BICDL1: variants seen among roughly 807,000 people sequenced by gnomAD.
BICDL1 encodes the protein BICD family like cargo adaptor 1.
In BICDL1, 20 loss-of-function variants were observed where a neutral mutation model predicts 76.8. That is an observed-to-expected ratio of 0.26 (90% CI 0.18 to 0.38). The LOEUF (loss-of-function observed/expected upper bound fraction) is 0.38, where lower values mean the gene tolerates loss of function less well. Ranked by LOEUF, BICDL1 falls within the 10% of genes least tolerant of loss-of-function variation. BICDL1 has a pLI of 1.00. For synonymous variants in BICDL1, 383 were observed against 337.1 expected (o/e 1.14, Z -1.49); for missense variants, 700 against 798.6 (o/e 0.88, Z 1.49).
chr12:120,079,105 C>G lies in BICDL1; in HGVS notation c.1453-1782C>G, dbSNP rs149378718. ...GCCCTCCTCACCCAGCTGTCCCTAC[C>G]GGAAAAGCTGCTGCTTTGGGCTGTT... On this transcript the variant is annotated intron_variant, in intron 7 of 9. Transcript: ENST00000548673. This position sits in a 1 kb window ranked among gnomAD's most constrained non-coding sequence, Gnocchi z 4.3. Among the ~76,000 whole-genome samples, 1 of 152,224 alleles carries G rather than the reference C, an allele frequency of 6.6e-6. No individual in the cohort carries two copies. The highest frequency in any genetic ancestry group is 6.5e-5 in the Admixed American group (1 of 15,278).
chr12:120,004,737 G>T (rs906839323), intron 2 of BICDL1, among the ~76,000 whole-genome samples: 20 of 152,356 alleles, frequency 1.3e-4, no homozygotes, highest in African/African-American at 3.8e-4. Flanking sequence ...GCTTCTTAAG[G>T]AACTTAGCTT....
At chr12:120,006,425 A>G (rs1182819246) in intron 2 of BICDL1, among the ~76,000 whole-genome samples, 3 of 152,234 alleles carry the variant, frequency 2.0e-5, no homozygotes, top group Admixed American at 6.5e-5. Flanking sequence ...CAGTGATGCT[A>G]CAGTGAACAA....
At chr12:120,022,443 A>G (rs970775055) in intron 2 of BICDL1, among the ~76,000 whole-genome samples, 3 of 146,858 alleles carry the variant, frequency 2.0e-5, no homozygotes, top group Non-Finnish European at 4.5e-5. Flanking sequence ...TATATATAAT[A>G]TATGTATTTT....
intron 2 of BICDL1, among the ~76,000 whole-genome samples, chr12:120,013,439 A>AGT (rs35499277): frequency 0.14 from 18,192 of 134,680 alleles, 1,227 homozygotes; most frequent in Admixed American, 0.17. Context: ...CTTTAACCAG[A>AGT]GTGTGTGTGT....
chr12:120,069,466 G>T (rs1872922188), intron 4 of BICDL1, among the ~76,000 whole-genome samples: 1 of 152,166 alleles, frequency 6.6e-6, no homozygotes, highest in Non-Finnish European at 1.5e-5. Context: ...GTGGAAACTG[G>T]AAAGAACCCT....
At chr12:120,092,857 T>C (rs1195078549) in intron 9 of BICDL1, 143 bp from the exon 10 acceptor site, 7 of 1,396,854 alleles carry the variant, frequency 5.0e-6, no homozygotes, top group African/African-American at 1.5e-5. Context: ...CACCGCTTTC[T>C]TGGTCAGGGC....
intron 8 of BICDL1, among the ~76,000 whole-genome samples, chr12:120,085,436 C>T (rs1431936027): frequency 6.6e-6 from 1 of 152,132 alleles, no homozygotes; most frequent in Non-Finnish European, 1.5e-5. Context: ...GAGGAGGCAG[C>T]ATACCTTTAT....
intron 2 of BICDL1, among the ~76,000 whole-genome samples, chr12:120,043,551 C>G (rs1377808477): frequency 6.6e-6 from 1 of 152,120 alleles, no homozygotes; most frequent in Non-Finnish European, 1.5e-5. Flanking sequence ...ATCAGTCATG[C>G]GTAATTTACA....
At chr12:120,003,071 T>C (rs561675028) in intron 2 of BICDL1, among the ~76,000 whole-genome samples, 37 of 151,208 alleles carry the variant, frequency 2.4e-4, no homozygotes, top group African/African-American at 7.8e-4. Flanking sequence ...TGCAGGAGAA[T>C]CGCTGGAACC....
At chr12:120,052,432 T>A (rs890188233) in intron 2 of BICDL1, among the ~76,000 whole-genome samples, 4 of 152,166 alleles carry the variant, frequency 2.6e-5, no homozygotes, top group Non-Finnish European at 5.9e-5. Flanking sequence ...GATCAATTAT[T>A]TGGTACAAAG....
intron 2 of BICDL1, among the ~76,000 whole-genome samples, chr12:120,026,528 A>T (rs917091446): frequency 6.6e-5 from 10 of 152,234 alleles, no homozygotes; most frequent in African/African-American, 2.4e-4. Flanking sequence ...GGCTTTGCCA[A>T]GTCTAGACCA....
intron 1 of BICDL1, among the ~76,000 whole-genome samples, chr12:119,997,388 A>C (rs1217957952): frequency 6.6e-6 from 1 of 152,218 alleles, no homozygotes; most frequent in African/African-American, 2.4e-5. Flanking sequence ...TGAAAACTCC[A>C]TACAGGCAAG....
At position 119,989,425 on chromosome 12, in the gene BICDL1, C is replaced by G. The variant is rs1951463852; in HGVS notation, c.-444C>G. Among the ~76,000 whole-genome samples the G allele has an allele frequency of 1.3e-5, 2 of 149,854 alleles. No individual in the cohort carries two copies. The highest frequency in any genetic ancestry group is 6.6e-5 in the Admixed American group (1 of 15,134). ...AGGAAGCGTCGCGGCGACAGCGGAG[C>G]GCAGCCCGCCCCGTGAGGCGCTGCC... is the stretch of plus-strand genomic sequence containing the variant. On this transcript the variant is annotated 5_prime_UTR_variant, in exon 1 of 10. Transcript: ENST00000548673.
chr12:120,053,191 TCTC>T (rs1952901270), intron 2 of BICDL1, among the ~76,000 whole-genome samples: 1 of 152,132 alleles, frequency 6.6e-6, no homozygotes, highest in South Asian at 2.1e-4. Flanking sequence ...GCGAAGCAAT[TCTC>T]CTGCCTCAGC....
intron 2 of BICDL1, among the ~76,000 whole-genome samples, chr12:120,001,850 G>A (rs1246596800): frequency 6.6e-6 from 1 of 152,150 alleles, no homozygotes; most frequent in African/African-American, 2.4e-5. Context: ...AAGAGCTTGA[G>A]ACTAGCCTGA....
chr12:120,031,939 A>AG (rs1348793461), intron 2 of BICDL1, among the ~76,000 whole-genome samples: 4 of 152,034 alleles, frequency 2.6e-5, no homozygotes, highest in African/African-American at 9.7e-5. Flanking sequence ...AATAAAAAAA[A>AG]ATTAGCCGGG....
intron 2 of BICDL1, among the ~76,000 whole-genome samples, chr12:120,039,265 T>C (rs1158734790): frequency 6.7e-4 from 93 of 139,662 alleles, no homozygotes; most frequent in Middle Eastern, 4.5e-3. Flanking sequence ...CCACTGCACT[T>C]CAGCCTGGGC....
chr12:120,045,584 C>A (rs1952731353), intron 2 of BICDL1, among the ~76,000 whole-genome samples: 1 of 151,852 alleles, frequency 6.6e-6, no homozygotes, highest in African/African-American at 2.4e-5. Flanking sequence ...GAATACTATG[C>A]AGCCATAAAA....
intron 4 of BICDL1, among the ~76,000 whole-genome samples, chr12:120,066,122 G>T (rs1020590900): frequency 1.3e-5 from 2 of 152,186 alleles, no homozygotes; most frequent in African/African-American, 4.8e-5. Flanking sequence ...GGTGCTTTTA[G>T]CATACATCAT....
Sources: gnomAD v4.1 joint callset for allele counts (sites outside exome capture counted in the v4.1 genomes callset) on GRCh38, gnomAD v4.1.1 for gene constraint, Gnocchi (gnomAD v3.1) non-coding constraint, MANE v1.5 for transcripts, NCBI Gene and HGNC (gene_info 2026-07-23, HGNC 2026-07-21) for gene names.